Variants in CLCN1 observed in about 807,000 individuals in gnomAD.
CLCN1 encodes chloride voltage-gated channel 1.
CLCN1 carries 100 observed loss-of-function variants against 114.5 expected under a neutral mutation model. The observed-to-expected ratio is 0.87, with a 90% confidence interval of 0.74 to 1.03. The LOEUF is 1.03. Ranked by LOEUF, CLCN1 falls within the 50% of genes least tolerant of loss-of-function variation. CLCN1 has a pLI of 0.00. For synonymous variants in CLCN1, 485 were observed against 487.1 expected, an observed-to-expected ratio of 1.00 and a Z score of 0.06; for missense variants, 1,188 against 1,250.0, an observed-to-expected ratio of 0.95 and a Z score of 0.75.
At chr7:143,334,523 C>T (rs1264518894) in intron 12 of CLCN1, among the ~76,000 whole-genome samples, 1 of 152,152 alleles carries the variant, frequency 6.6e-6, no homozygotes, top group Admixed American at 6.5e-5. Flanking sequence ...GTGCCAAGTA[C>T]ATAATATTTC....
Position 143,351,682 on chromosome 7 carries a change from A to G in CLCN1, c.2684A>G (p.Lys895Arg), listed in dbSNP as rs1803411232. The G allele has an allele frequency of 1.9e-6, 3 of 1,614,154 alleles. No homozygotes were observed. The highest frequency in any genetic ancestry group is 2.5e-6 in the Non-Finnish European group (3 of 1,180,024). The change falls in exon 23 of 23, where the codon AAG becomes AGG. Residue 895 changes from lysine to arginine, a missense_variant. By Grantham distance (26) the Lys-to-Arg change is conservative (BLOSUM62 2). Transcript: ENST00000343257. ...ASFRNTTSTR[K>R]STGAPPSSAE... The stretch of plus-strand genomic sequence containing the variant: ...TTCCGGAACACGACTTCAACTCGAA[A>G]GAGTACCGGGGCACCTCCATCTTCT...
chr7:143,320,625 G>C (rs572558903), intron 2 of CLCN1, 39 bp from the exon 3 acceptor site: 4 of 1,512,428 alleles, frequency 2.6e-6, no homozygotes, highest in Admixed American at 1.7e-5. Context: ...TTGTTTGTTT[G>C]TTGTTTGTTT....
Position 143,331,362 on chromosome 7 carries a change from T to C in CLCN1, c.1064+46T>C, listed in dbSNP as rs769755809. On this transcript the variant is annotated intron_variant, in intron 9 of 22. Coordinates refer to ENST00000343257, the MANE Select transcript of CLCN1 (RefSeq NM_000083.3). ...TGTGTGTGGTGAGCAGGGTGTGGAGTGAGGCTGTAGATTGGAAGGGACCCA... is the reference window on the plus strand; with the variant it reads ...TGTGTGTGGTGAGCAGGGTGTGGAGCGAGGCTGTAGATTGGAAGGGACCCA... The C allele has an allele frequency of 2.8e-6, 4 of 1,421,758 alleles. No homozygotes were observed. The African/African-American group carries it at 4.2e-5, about 15-fold the overall frequency. The allele number at this position is 1,421,758 out of a possible 1,614,324, so 88.1% of individuals were successfully genotyped here.
chr7:143,336,603 T>TC (rs1802902036), intron 12 of CLCN1, among the ~76,000 whole-genome samples: 1 of 22,048 alleles, frequency 4.5e-5, no homozygotes, highest in Non-Finnish European at 8.7e-5. Context: ...CAAGACTCTG[T>TC]CAAAAAAAAA....
intron 20 of CLCN1, among the ~76,000 whole-genome samples, chr7:143,349,767 C>T (rs915508831): frequency 1.1e-4 from 17 of 152,312 alleles, no homozygotes; most frequent in Non-Finnish European, 2.5e-4. Flanking sequence ...CAGCCGATAC[C>T]ACATAACACT....
At chr7:143,334,833 A>G (rs1802829181) in intron 12 of CLCN1, among the ~76,000 whole-genome samples, 1 of 152,186 alleles carries the variant, frequency 6.6e-6, no homozygotes, top group Non-Finnish European at 1.5e-5. Context: ...TCTTCAAAAG[A>G]TTTTACATTT....
chr7:143,347,081 G>T, intron 20 of CLCN1, 132 bp downstream of exon 20: 1 of 833,122 alleles, frequency 1.2e-6, no homozygotes. Context: ...TTGAGAGGAT[G>T]GAAATAAGGA....
chr7:143,341,613 A>T (rs1803077522), intron 14 of CLCN1, among the ~76,000 whole-genome samples: 1 of 151,544 alleles, frequency 6.6e-6, no homozygotes, highest in Non-Finnish European at 1.5e-5. Context: ...AAATAATAAA[A>T]TAAAATGCTC....
chr7:143,350,363 G>A lies in CLCN1; in HGVS notation c.2404-9G>A, dbSNP rs1803358399. 1.2e-6 allele frequency: 2 copies of A among 1,612,154 alleles called. No individual in the cohort carries two copies. Among genetic ancestry groups the A allele is most frequent in the African/African-American group, 1.3e-5 (1 of 74,990 alleles). On this transcript the variant is annotated splice_polypyrimidine_tract_variant and intron_variant, in intron 20 of 22. Transcript: ENST00000343257. The surrounding 1 kb of genome is among the most constrained non-coding windows in gnomAD (Gnocchi z 5.1). The stretch of plus-strand genomic sequence containing the variant: ...GTGATTTTCGTGACTTTCCTCCTCT[G>A]GCTGACAGATTGAGGCCTGGGAGCA...
At chr7:143,334,084 A>G (rs1325151738) in intron 12 of CLCN1, among the ~76,000 whole-genome samples, 3 of 152,186 alleles carry the variant, frequency 2.0e-5, no homozygotes, top group Non-Finnish European at 4.4e-5. Context: ...GTGGTGGCAC[A>G]TGCCTGTAAT....
chr7:143,350,377 G>A lies in CLCN1; in HGVS notation c.2409G>A (p.Glu803=), dbSNP rs200193851. 36 of 1,613,608 alleles carry A rather than the reference G, an allele frequency of 2.2e-5. No individual in the cohort carries two copies. The East Asian group carries it at 5.3e-4, about 24-fold the overall frequency. The change falls in exon 21 of 23, where the codon GAG becomes GAA. Residue 803 remains glutamate, a synonymous_variant. Coordinates refer to ENST00000343257, the MANE Select transcript of CLCN1 (RefSeq NM_000083.3). The surrounding 1 kb of genome is among the most constrained non-coding windows in gnomAD (Gnocchi z 5.1). ...LVDNMSPEEI[E]AWEQEQLSQP... is the part of the protein sequence containing the mutation. ...TTTCCTCCTCTGGCTGACAGATTGA[G>A]GCCTGGGAGCAGGAGCAGCTGAGCC...
chr7:143,347,059 A>G, intron 20 of CLCN1, 110 bp downstream of exon 20: 1 of 993,546 alleles, frequency 1.0e-6, no homozygotes, highest in South Asian at 1.3e-5. Context: ...TGTGGTCTGG[A>G]TGGGAAGTGT....
intron 1 of CLCN1, among the ~76,000 whole-genome samples, chr7:143,317,996 G>A (rs1214723599): frequency 2.0e-5 from 3 of 152,146 alleles, no homozygotes; most frequent in Admixed American, 6.5e-5. Flanking sequence ...AGTTTGGGGA[G>A]TAGAATTGGC....
chr7:143,337,148 A>T (rs1586504984), intron 12 of CLCN1, among the ~76,000 whole-genome samples: 1 of 152,162 alleles, frequency 6.6e-6, no homozygotes, highest in Admixed American at 6.5e-5. Flanking sequence ...TTAGTGTTTT[A>T]GCAAATATTA....
intron 17 of CLCN1, 100 bp downstream of exon 17, chr7:143,345,862 C>T: frequency 6.7e-7 from 1 of 1,496,928 alleles, no homozygotes; most frequent in Non-Finnish European, 9.1e-7. Context: ...GGCGTAGTTT[C>T]CCTGAAAGTA....
At position 143,350,412 on chromosome 7, in the gene CLCN1, G is replaced by A; in HGVS notation, c.2444G>A (p.Cys815Tyr). ...CAGGAGCAGCTGAGCCAGCCTGTCT[G>A]TTTTGATTCCTGCTGTATTGACCAG... ...WEQEQLSQPV[C>Y]FDSCCIDQSP... Residue 815 changes from cysteine (C) to tyrosine (Y), a missense_variant, in exon 21 of 23, where the codon TGT (cysteine) becomes TAT (tyrosine). By Grantham distance (194) the Cys-to-Tyr change is radical (BLOSUM62 -2). Transcript: ENST00000343257. The surrounding 1 kb of genome is among the most constrained non-coding windows in gnomAD (Gnocchi z 5.1). 1 of 1,614,216 alleles carries A rather than the reference G, an allele frequency of 6.2e-7. No individual in the cohort carries two copies. The highest frequency in any genetic ancestry group is 8.5e-7 in the Non-Finnish European group (1 of 1,180,036).
intron 12 of CLCN1, among the ~76,000 whole-genome samples, chr7:143,335,964 C>CTTTTGT (rs1802874390): frequency 6.6e-6 from 1 of 152,102 alleles, no homozygotes; most frequent in Non-Finnish European, 1.5e-5. Context: ...CTGGCCAATT[C>CTTTTGT]AGCTGTTTTA....
intron 12 of CLCN1, among the ~76,000 whole-genome samples, chr7:143,335,784 C>A (rs1802866804): frequency 6.6e-6 from 1 of 150,884 alleles, no homozygotes; most frequent in African/African-American, 2.4e-5. Flanking sequence ...CTCAGCCTTA[C>A]CTGTAGCTGG....
At position 143,342,467 on chromosome 7, in the gene CLCN1, C is replaced by T. The variant is rs749762818; in HGVS notation, c.1892C>T (p.Thr631Ile). The T allele has an allele frequency of 1.7e-5, 28 of 1,613,958 alleles. No homozygotes were observed. In the East Asian group the frequency reaches 3.6e-4, roughly 21 times the overall value. ...GGGGAGTTGCGAACCCTGCTCCAGA[C>T]CACCACAGTCAAGACTTTACCACTG... ...TYGELRTLLQ[T>I]TTVKTLPLVD... Residue 631 changes from threonine (T) to isoleucine (I), a missense_variant, in exon 16 of 23, where the codon ACC (threonine) becomes ATC (isoleucine). Thr to Ile is a moderately conservative substitution (Grantham distance 89, BLOSUM62 -1). Transcript: ENST00000343257.
Sources: allele counts gnomAD v4.1 joint callset (sites outside exome capture counted in the v4.1 genomes callset), GRCh38; gene constraint gnomAD v4.1.1; non-coding constraint Gnocchi (gnomAD v3.1); transcripts MANE v1.5; gene names NCBI Gene and HGNC (gene_info 2026-07-23, HGNC 2026-07-21).